ZBTB38: variants seen among roughly 807,000 people sequenced by gnomAD.
ZBTB38 encodes the protein zinc finger and BTB domain-containing protein 38.
Under a neutral mutation model 76.8 loss-of-function variants are expected in ZBTB38, and 20 were observed. That is an observed-to-expected ratio of 0.26 (90% CI 0.18 to 0.38). The LOEUF is 0.38. Among genes scored for constraint, ZBTB38 ranks in the 10% least tolerant of loss-of-function variants. ZBTB38 has a pLI of 1.00. For missense variants in ZBTB38, 1,082 were observed against 1,482.3 expected, an observed-to-expected ratio of 0.73 and a Z score of 4.43; for synonymous variants, 504 against 544.2, an observed-to-expected ratio of 0.93 and a Z score of 1.03.
intron 4 of ZBTB38, among the ~76,000 whole-genome samples, chr3:141,394,960 T>C (rs190272946): frequency 1.7e-3 from 257 of 152,318 alleles, no homozygotes; most frequent in African/African-American, 5.9e-3. Context: ...AGTGCTCTTT[T>C]GACTAAAGCT....
At chr3:141,362,085 A>C (rs1943839993) in intron 1 of ZBTB38, among the ~76,000 whole-genome samples, 2 of 152,220 alleles carry the variant, frequency 1.3e-5, no homozygotes, top group African/African-American at 2.4e-5. Context: ...GACCCACTAA[A>C]TAATGAGTCC....
chr3:141,384,078 T>C (rs1946590316), intron 3 of ZBTB38, among the ~76,000 whole-genome samples: 1 of 152,276 alleles, frequency 6.6e-6, no homozygotes, highest in African/African-American at 2.4e-5. Flanking sequence ...TTTTCAACTA[T>C]AGTTCACATT....
chr3:141,406,022 C>T (rs1954260830), intron 5 of ZBTB38, among the ~76,000 whole-genome samples: 1 of 152,126 alleles, frequency 6.6e-6, no homozygotes. Flanking sequence ...GATAGGAGGA[C>T]TAGTAGGAGA....
chr3:141,444,865 G>C lies in ZBTB38; in HGVS notation c.2477G>C (p.Gly826Ala). ...TACATTGCAAAACCTGCTCTGCCGGGAACCTCCACAAATAGTAATGTTGCA... is the reference window on the plus strand; with the variant it reads ...TACATTGCAAAACCTGCTCTGCCGGCAACCTCCACAAATAGTAATGTTGCA... ...ETYIAKPALP[G>A]TSTNSNVAPL... The change falls in exon 6 of 6, where the codon GGA becomes GCA. Residue 826 changes from glycine to alanine, a missense_variant. Around this residue, in one of 8 missense-constraint regions of ZBTB38, gnomAD observed 471 missense variants for 581.0 expected, o/e 0.81. Transcript: ENST00000321464. This position sits in a 1 kb window ranked among gnomAD's most constrained non-coding sequence, Gnocchi z 5.1. The C allele has an allele frequency of 6.2e-7, 1 of 1,614,098 alleles. No homozygotes were observed. Among genetic ancestry groups the C allele is most frequent in the Non-Finnish European group, 8.5e-7 (1 of 1,180,028 alleles).
rs2081219752 is a variant in ZBTB38 at position 141,447,968 on chromosome 3, C to A, written c.*1992C>A. 6.6e-6 allele frequency: 1 copy of A among 152,390 alleles called. No individual in the cohort carries two copies. Among genetic ancestry groups the A allele is most frequent in the African/African-American group, 2.4e-5 (1 of 41,372 alleles). 9.4% of individuals were successfully genotyped at this position (152,390 alleles called of 1,614,324 possible). A position where few individuals can be genotyped will look rare whatever the true frequency, so the allele number is the denominator to read the frequency against. ...TTTTATACATTGTATATATGTACACCCTACACTATTCATTTGGGTTTTATT... is the reference window on the plus strand; with the variant it reads ...TTTTATACATTGTATATATGTACACACTACACTATTCATTTGGGTTTTATT... On this transcript the variant is annotated 3_prime_UTR_variant, in exon 6 of 6. Transcript: ENST00000321464.
rs372437592 is a variant in ZBTB38, at chr3:141,444,403, A to C, written c.2015A>C (p.Glu672Ala). ...CTTGACAATAACTTTTATTCAACTGAGGTGTCAGTTTCTTCCACTGAAAAT... is the reference window on the plus strand; with the variant it reads ...CTTGACAATAACTTTTATTCAACTGCGGTGTCAGTTTCTTCCACTGAAAAT... ...MDLDNNFYST[E>A]VSVSSTENAV... The change falls in exon 6 of 6, where the codon GAG becomes GCG. Residue 672 changes from glutamate to alanine, a missense_variant. Transcript: ENST00000321464. The surrounding 1 kb of genome is among the most constrained non-coding windows in gnomAD (Gnocchi z 5.1). 6.2e-7 allele frequency: 1 copy of C among 1,614,080 alleles called. No homozygotes were observed. Among genetic ancestry groups the C allele is most frequent in the Admixed American group, 1.7e-5 (1 of 60,034 alleles).
chr3:141,399,325 C>T (rs1951150103), intron 4 of ZBTB38, among the ~76,000 whole-genome samples: 1 of 152,162 alleles, frequency 6.6e-6, no homozygotes, highest in East Asian at 1.9e-4. Context: ...AAATTCATGC[C>T]ACTTCCCATA....
Position 141,444,786 on chromosome 3 carries a change from G to A in ZBTB38, c.2398G>A (p.Gly800Arg). The change falls in exon 6 of 6, where the codon GGA (glycine) becomes AGA (arginine). Residue 800 changes from glycine to arginine, a missense_variant. Physicochemically the swap from Gly to Arg is moderately radical, Grantham distance 125 (BLOSUM62 -2). This residue lies in a region of ZBTB38 where 471 missense variants were observed against 581.0 expected (regional missense o/e 0.81). Transcript: ENST00000321464. The surrounding 1 kb of genome is among the most constrained non-coding windows in gnomAD (Gnocchi z 5.1). ...EESNYVADPG[G>R]SLSKTTNIAE... ...GTCAAACTATGTTGCTGATCCTGGAGGATCACTGAGCAAAACCACAAATAT... is the reference window on the plus strand; with the variant it reads ...GTCAAACTATGTTGCTGATCCTGGAAGATCACTGAGCAAAACCACAAATAT... The A allele has an allele frequency of 6.2e-7, 1 of 1,614,104 alleles. No homozygotes were observed. Among genetic ancestry groups the A allele is most frequent in the Non-Finnish European group, 8.5e-7 (1 of 1,180,032 alleles).
upstream of ZBTB38, chr3:141,368,198 CAG>C (rs1944048387): frequency 6.6e-6 from 1 of 152,436 alleles, no homozygotes. Flanking sequence ...GCTTCTCTGA[CAG>C]AGCACGGCCA....
chr3:141,439,476 T>C (rs1349532920), intron 5 of ZBTB38, among the ~76,000 whole-genome samples: 1 of 152,244 alleles, frequency 6.6e-6, no homozygotes, highest in Non-Finnish European at 1.5e-5. Context: ...ACTACAATAT[T>C]ATTCCATGTT....
At chr3:141,385,127 C>T (rs1011264838) in intron 3 of ZBTB38, among the ~76,000 whole-genome samples, 2 of 152,256 alleles carry the variant, frequency 1.3e-5, no homozygotes, top group Middle Eastern at 3.4e-3. Flanking sequence ...TCAGCCAGTC[C>T]TTACAGAAGA....
At chr3:141,346,782 T>TTGTGTGTGTGTGTGTGTGTG (rs56345431) in intron 1 of ZBTB38, among the ~76,000 whole-genome samples, 40 of 144,684 alleles carry the variant, frequency 2.8e-4, no homozygotes, top group African/African-American at 9.0e-4. Flanking sequence ...TTGTTTTGTT[T>TTGTGTGTGTGTGTGTGTGTG]TGTGTGTGTG....
intron 2 of ZBTB38, among the ~76,000 whole-genome samples, chr3:141,373,386 C>T (rs1252528536): frequency 1.3e-5 from 2 of 152,186 alleles, no homozygotes; most frequent in Admixed American, 6.5e-5. Context: ...CCATGATGAG[C>T]AGATGTGGAC....
At chr3:141,435,095 TGACAGCACCACTGCTGTCC>T (rs1199055652) in intron 5 of ZBTB38, among the ~76,000 whole-genome samples, 28 of 152,268 alleles carry the variant, frequency 1.8e-4, no homozygotes, top group Non-Finnish European at 3.2e-4. Flanking sequence ...TGATGAGCCA[TGACAGCACCACTGCTGTCC>T]GACAGCACTC....
intron 1 of ZBTB38, among the ~76,000 whole-genome samples, chr3:141,356,988 T>C (rs1943681697): frequency 6.6e-6 from 1 of 152,228 alleles, no homozygotes; most frequent in African/African-American, 2.4e-5. Flanking sequence ...CAAATTGCTG[T>C]CTTCAAAATT....
chr3:141,325,868 GTTATA>G (rs1267783385), intron 1 of ZBTB38, among the ~76,000 whole-genome samples: 1 of 152,136 alleles, frequency 6.6e-6, no homozygotes, highest in East Asian at 1.9e-4. Flanking sequence ...TGTTCCTAAA[GTTATA>G]ATAAGATGAT....
At position 141,445,132 on chromosome 3, in the gene ZBTB38, C is replaced by T. The variant is rs1559968792; in HGVS notation, c.2744C>T (p.Pro915Leu). 9 of 1,614,064 alleles carry T rather than the reference C, an allele frequency of 5.6e-6. No individual in the cohort carries two copies. The highest frequency in any genetic ancestry group is 2.2e-5 in the East Asian group (1 of 44,882). Residue 915 changes from proline (P) to leucine (L), a missense_variant, in exon 6 of 6, where the codon CCG becomes CTG. Physicochemically the swap from Pro to Leu is moderately conservative, Grantham distance 98. Coordinates refer to ENST00000321464, the MANE Select transcript of ZBTB38 (RefSeq NM_001376113.1). This position sits in a 1 kb window ranked among gnomAD's most constrained non-coding sequence, Gnocchi z 6.5. ...AGTGACCAGGATTCCACTGACAAAC[C>T]GTGGCGCCCTTACTACAACTACAAA... ...DASDQDSTDK[P>L]WRPYYNYKPK...
rs1559968333 is a variant in ZBTB38, at chr3:141,444,919, G to A, written c.2531G>A (p.Gly844Glu). 1.2e-6 allele frequency: 2 copies of A among 1,614,154 alleles called. No homozygotes were observed. Among genetic ancestry groups the A allele is most frequent in the Non-Finnish European group, 1.7e-6 (2 of 1,180,030 alleles). ...CTTTGCCAAATAACAGTGAAAATTGGAAACGAAGCCATTGTGAAAAGGCAC... is the reference window on the plus strand; with the variant it reads ...CTTTGCCAAATAACAGTGAAAATTGAAAACGAAGCCATTGTGAAAAGGCAC... ...APLCQITVKI[G>E]NEAIVKRHIL... Residue 844 changes from glycine (G) to glutamate (E), a missense_variant, in exon 6 of 6, where the codon GGA becomes GAA. Gly to Glu is a moderately conservative substitution (Grantham distance 98, BLOSUM62 -2). This residue lies in a region of ZBTB38 where 471 missense variants were observed against 581.0 expected (regional missense o/e 0.81). Transcript: ENST00000321464. This position sits in a 1 kb window ranked among gnomAD's most constrained non-coding sequence, Gnocchi z 5.1.
chr3:141,391,433 A>C (rs1948833534), intron 4 of ZBTB38, among the ~76,000 whole-genome samples: 1 of 152,170 alleles, frequency 6.6e-6, no homozygotes, highest in Non-Finnish European at 1.5e-5. Flanking sequence ...GGCTTAACTT[A>C]GGTAAGCTTC....
Sources: gnomAD v4.1 joint callset for allele counts (sites outside exome capture counted in the v4.1 genomes callset) on GRCh38, gnomAD v4.1.1 for gene constraint, gnomAD v4.1.1 regional missense constraint, Gnocchi (gnomAD v3.1) non-coding constraint, MANE v1.5 for transcripts, NCBI Gene and HGNC (gene_info 2026-07-23, HGNC 2026-07-21) for gene names.